The following MYH15 variants were observed in gnomAD, a reference collection of about 807,000 sequenced individuals.
The protein encoded by MYH15 is myosin-15.
MYH15 carries 227 observed loss-of-function variants against 240.5 expected under a neutral mutation model. That is an observed-to-expected ratio of 0.94 (90% confidence interval 0.85 to 1.05). MYH15 has a LOEUF of 1.05. Ranked by LOEUF, MYH15 falls within the 50% of genes least tolerant of loss-of-function variation. The pLI is 0.00. For missense variants in MYH15, 2,217 were observed against 2,247.5 expected, an observed-to-expected ratio of 0.99 and a Z score of 0.27; for synonymous variants, 785 against 796.7, an observed-to-expected ratio of 0.99 and a Z score of 0.25.
chr3:108,441,729 C>T (rs571079772), intron 22 of MYH15, among the ~76,000 whole-genome samples: 32 of 152,294 alleles, frequency 2.1e-4, no homozygotes, highest in African/African-American at 7.2e-4. Flanking sequence ...ATATACATCT[C>T]TTCTAATAAA....
the MYH15 span, among the ~76,000 whole-genome samples, chr3:108,540,258 G>T: frequency 0.016 from 2,458 of 152,250 alleles, 53 homozygotes; most frequent in African/African-American, 0.056. Context: ...TAAAATGTTA[G>T]CTAAAGTCAT....
At chr3:108,503,560 AAC>A (rs1157765468) in intron 2 of MYH15, among the ~76,000 whole-genome samples, 3 of 152,240 alleles carry the variant, frequency 2.0e-5, no homozygotes, top group African/African-American at 7.2e-5. Flanking sequence ...AAAGATGCTC[AAC>A]ATCATTAGTC....
chr3:108,473,164 T>C (rs550445062), intron 12 of MYH15, among the ~76,000 whole-genome samples: 2 of 152,220 alleles, frequency 1.3e-5, no homozygotes, highest in Non-Finnish European at 2.9e-5. Context: ...CACACCACAA[T>C]GCCCGGCTAA....
At chr3:108,513,193 A>G (rs1250868941), upstream of MYH15, among the ~76,000 whole-genome samples, 1 of 152,204 alleles carries the variant, frequency 6.6e-6, no homozygotes, top group Non-Finnish European at 1.5e-5. Context: ...TTTGTGAATG[A>G]CAGAGAAACA....
chr3:108,546,382 T>C, the MYH15 span, among the ~76,000 whole-genome samples: 1 of 152,184 alleles, frequency 6.6e-6, no homozygotes, highest in Non-Finnish European at 1.5e-5. Flanking sequence ...ATATGATACT[T>C]AGAATAACAG....
At chr3:108,469,901 CACCAT>C in intron 14 of MYH15, 136 bp downstream of exon 14, 1 of 745,366 alleles carries the variant, frequency 1.3e-6, no homozygotes, top group Non-Finnish European at 2.1e-6. Flanking sequence ...TGCACACAAA[CACCAT>C]TAAGATAAAA....
At chr3:108,433,496 G>A (rs780451130) in intron 25 of MYH15, among the ~76,000 whole-genome samples, 5 of 152,150 alleles carry the variant, frequency 3.3e-5, no homozygotes, top group Non-Finnish European at 7.4e-5. Context: ...AGATTTGAGA[G>A]GGGCCAGGGG....
chr3:108,464,162 G>A (rs1217026524), intron 15 of MYH15, among the ~76,000 whole-genome samples: 3 of 152,090 alleles, frequency 2.0e-5, no homozygotes, highest in Non-Finnish European at 4.4e-5. Context: ...GCAGAAAAAG[G>A]GGCATATACA....
At chr3:108,439,121 G>T (rs2082865003) in intron 24 of MYH15, among the ~76,000 whole-genome samples, 1 of 152,024 alleles carries the variant, frequency 6.6e-6, no homozygotes, top group Non-Finnish European at 1.5e-5. Context: ...ACTACTGTGA[G>T]CATAAATGCA....
rs556729046 is a variant in MYH15, at chr3:108,525,293, GA to G, written c.-58+3969del. Among the ~76,000 whole-genome samples, 225 of 152,156 alleles carry G rather than the reference GA, an allele frequency of 1.5e-3. 1 individual carries two copies. Among genetic ancestry groups the G allele is most frequent in the African/African-American group, 5.3e-3 (219 of 41,546 alleles). On this transcript the variant is annotated intron_variant, in intron 1 of 41. Transcript: ENST00000273353. ...GATAGATAAATAATGATGAATAAAT[GA>G]ATGAACTCACTTTTAATATTTTTCT... is the stretch of plus-strand genomic sequence containing the variant.
intron 1 of MYH15, chr3:108,529,211 C>T: frequency 1.3e-6 from 2 of 1,563,600 alleles, no homozygotes; most frequent in South Asian, 2.3e-5. Context: ...TACTGTCAGG[C>T]TATTCAGCAT....
intron 38 of MYH15, among the ~76,000 whole-genome samples, chr3:108,385,116 T>C (rs2082371653): frequency 6.6e-6 from 1 of 152,222 alleles, no homozygotes; most frequent in African/African-American, 2.4e-5. Flanking sequence ...AATTATCTAC[T>C]GTTATATTTT....
chr3:108,467,384 A>T (rs1576251947), intron 14 of MYH15, among the ~76,000 whole-genome samples: 1 of 152,030 alleles, frequency 6.6e-6, no homozygotes, highest in South Asian at 2.1e-4. Flanking sequence ...TAATGCCAAG[A>T]TGCTGCCAGT....
the MYH15 span, chr3:108,549,993 T>G: frequency 1.4e-4 from 22 of 152,020 alleles, no homozygotes; most frequent in Non-Finnish European, 2.7e-4. Context: ...AATAGTAATT[T>G]AAAATGTTTT....
the MYH15 span, among the ~76,000 whole-genome samples, chr3:108,548,356 G>A: frequency 6.6e-6 from 1 of 152,036 alleles, no homozygotes; most frequent in Non-Finnish European, 1.5e-5. Context: ...AAATAAAATA[G>A]ACCTCAAGAT....
chr3:108,384,602 G>C, intron 39 of MYH15, 85 bp downstream of exon 39: 1 of 1,252,948 alleles, frequency 8.0e-7, no homozygotes, highest in Admixed American at 1.8e-5. Flanking sequence ...CTGACAAGCT[G>C]CTTGCTGAGC....
In MYH15 at chr3:108,416,871, T is replaced by C. The variant is rs1187695951; in HGVS notation, c.3889A>G (p.Lys1297Glu). Residue 1297 changes from lysine (K) to glutamate (E), a missense_variant, in exon 29 of 41, where the codon AAG becomes GAG. Coordinates refer to ENST00000693548, the MANE Select transcript of MYH15 (RefSeq NM_014981.3). ...TCAATCTGCCGAGTGAAGTTGCTCT[T>C]TTCCCTGGAAAGTTGGTTTATCAGA... ...EALINQLSRE[K>E]SNFTRQIEDL... 2 of 1,613,992 alleles carry C rather than the reference T, an allele frequency of 1.2e-6. No individual in the cohort carries two copies. Among genetic ancestry groups the C allele is most frequent in the Non-Finnish European group, 1.7e-6 (2 of 1,179,994 alleles).
intron 7 of MYH15, among the ~76,000 whole-genome samples, chr3:108,493,926 G>A (rs755067158): frequency 1.7e-4 from 26 of 152,282 alleles, no homozygotes; most frequent in Middle Eastern, 3.4e-3. Context: ...AATAATAGAC[G>A]GGCACCCTTT....
chr3:108,465,579 G>A (rs914606858), intron 14 of MYH15, among the ~76,000 whole-genome samples: 3 of 152,162 alleles, frequency 2.0e-5, no homozygotes, highest in African/African-American at 7.2e-5. Context: ...GCTCAGTCCT[G>A]CCTGCACTCT....
Sources: allele counts gnomAD v4.1 joint callset (sites outside exome capture counted in the v4.1 genomes callset), GRCh38; gene constraint gnomAD v4.1.1; transcripts MANE v1.5; gene names NCBI Gene and HGNC (gene_info 2026-07-23, HGNC 2026-07-21).